The following METTL3 variants were observed in gnomAD, a reference collection of about 807,000 sequenced individuals.
METTL3 encodes N(6)-adenosine-methyltransferase catalytic subunit METTL3.
Under a neutral mutation model 64.3 loss-of-function variants are expected in METTL3, and 42 were observed. The ratio of observed to expected loss-of-function variants is 0.65; its 90% CI spans 0.51 to 0.84. The LOEUF is 0.84. Ranked by LOEUF, METTL3 falls within the 40% of genes least tolerant of loss-of-function variation. The probability of loss-of-function intolerance (pLI) is 0.00; values close to 1 mark genes in which losing one functional copy is unlikely to be tolerated. For missense variants in METTL3, 435 were observed against 722.3 expected (o/e 0.60, Z 4.56); for synonymous variants, 256 against 263.6 (o/e 0.97, Z 0.28).
intron 1 of METTL3, chr14:21,504,882 G>A (rs1566494690): frequency 6.6e-6 from 1 of 152,010 alleles, no homozygotes; most frequent in Non-Finnish European, 1.5e-5. Flanking sequence ...AGAGGCTGCA[G>A]TGAGCCAACA....
intron 7 of METTL3, 56 bp from the exon 8 acceptor site, chr14:21,499,656 A>G (rs1891506655): frequency 6.3e-7 from 1 of 1,578,900 alleles, no homozygotes; most frequent in Non-Finnish European, 8.7e-7. Context: ...GTTTAGGGGT[A>G]GTACCATTTA....
At chr14:21,501,654 G>T in intron 4 of METTL3, 74 bp downstream of exon 4, 1 of 1,582,286 alleles carries the variant, frequency 6.3e-7, no homozygotes, top group South Asian at 1.1e-5. Context: ...GAACCCCAAT[G>T]ACTGGAAGGA....
chr14:21,501,272 C>T, intron 4 of METTL3, 143 bp from the exon 5 acceptor site: 1 of 649,266 alleles, frequency 1.5e-6, no homozygotes, highest in Non-Finnish European at 2.6e-6. Flanking sequence ...TTAAGGGAGG[C>T]AGGTAGCATG....
At chr14:21,507,655 G>A (rs989907898) in intron 1 of METTL3, 2 of 151,938 alleles carry the variant, frequency 1.3e-5, no homozygotes, top group Non-Finnish European at 2.9e-5. Context: ...AGATGTGGTA[G>A]GCAAATTTTT....
In METTL3 at chr14:21,498,249, G is replaced by A; in HGVS notation, c.*9C>T. The A allele has an allele frequency of 6.8e-7, 1 of 1,479,946 alleles. No individual in the cohort carries two copies. The highest frequency in any genetic ancestry group is 9.5e-7 in the Non-Finnish European group (1 of 1,057,650). 91.7% of individuals were successfully genotyped at this position (1,479,946 alleles called of 1,614,324 possible). ...GGCTATGGATTCTTAGCTCTGTAAG[G>A]AAGTGCTTCTATAAATTCTTAGGTT... On this transcript the variant is annotated 3_prime_UTR_variant, in exon 11 of 11. Coordinates refer to ENST00000298717, the MANE Select transcript of METTL3 (RefSeq NM_019852.5).
chr14:21,498,367 A>T lies in METTL3; in HGVS notation c.1634T>A (p.Ile545Asn). ...GRPHNVQPNWITLGNQLDGIH... is the reference protein window; with the variant it reads ...GRPHNVQPNWNTLGNQLDGIH... Reference sequence around the variant, plus strand: ...CCCATCCAGTTGGTTTCCAAGGGTGATCCTGAAACAGTGTAAAAGGAGGGG... The same window carrying T: ...CCCATCCAGTTGGTTTCCAAGGGTGTTCCTGAAACAGTGTAAAAGGAGGGG... Residue 545 changes from isoleucine (I) to asparagine (N), a missense_variant and splice_region_variant, in exon 11 of 11, where the codon ATC becomes AAC. Physicochemically the swap from Ile to Asn is moderately radical, Grantham distance 149. Transcript: ENST00000298717. 1 of 1,614,112 alleles carries T rather than the reference A, an allele frequency of 6.2e-7. No homozygotes were observed. The highest frequency in any genetic ancestry group is 8.5e-7 in the Non-Finnish European group (1 of 1,180,010).
chr14:21,503,733 T>C lies in METTL3; in HGVS notation c.249A>G (p.Leu83=). 6.2e-7 allele frequency: 1 copy of C among 1,614,230 alleles called. No homozygotes were observed. The highest frequency in any genetic ancestry group is 1.1e-5 in the South Asian group (1 of 91,088). ...ATDPELEKKL[L]HHLSDLALTL... Reference sequence around the variant, plus strand: ...TTAAGGCCAGATCAGAGAGGTGGTGTAGCAACTTCTTCTCTAACTCAGGAT... The same window carrying C: ...TTAAGGCCAGATCAGAGAGGTGGTGCAGCAACTTCTTCTCTAACTCAGGAT... The change falls in exon 2 of 11, where the codon CTA becomes CTG. Residue 83 remains leucine, a synonymous_variant. Transcript: ENST00000298717.
chr14:21,509,922 T>C (rs1891791953), intron 1 of METTL3, among the ~76,000 whole-genome samples: 1 of 152,200 alleles, frequency 6.6e-6, no homozygotes, highest in Non-Finnish European at 1.5e-5. Flanking sequence ...CCATATGACT[T>C]GCACTTCTTA....
chr14:21,504,134 G>A (rs568101980), intron 1 of METTL3: 132 of 461,070 alleles, frequency 2.9e-4, no homozygotes, highest in African/African-American at 2.5e-3. Context: ...CCCTATCCTT[G>A]CTGTGATACA....
At chr14:21,500,453 T>C (rs370521643) in intron 6 of METTL3, 42 bp downstream of exon 6, 107 of 1,591,986 alleles carry the variant, frequency 6.7e-5, no homozygotes, top group Middle Eastern at 1.7e-4. Context: ...TATTCACTCT[T>C]GTACTGTATC....
In METTL3 at chr14:21,499,390, A is replaced by C. The variant is rs1263945830; in HGVS notation, c.1453-19T>G. On this transcript the variant is annotated intron_variant, in intron 8 of 10. Coordinates refer to ENST00000298717, the MANE Select transcript of METTL3 (RefSeq NM_019852.5). Reference sequence around the variant, plus strand: ...CACCAACCTGCTCACCACAGATAACAGATTACCTTATGAAACCACACCTTT... The same window carrying C: ...CACCAACCTGCTCACCACAGATAACCGATTACCTTATGAAACCACACCTTT... 3 of 1,614,034 alleles carry C rather than the reference A, an allele frequency of 1.9e-6. No individual in the cohort carries two copies. The highest frequency in any genetic ancestry group is 1.7e-6 in the Non-Finnish European group (2 of 1,179,896).
intron 10 of METTL3, 66 bp downstream of exon 10, chr14:21,498,959 C>G (rs940108922): frequency 7.2e-5 from 80 of 1,110,932 alleles, no homozygotes; most frequent in Non-Finnish European, 1.4e-6. Flanking sequence ...TGAAGCTCTA[C>G]TAAGTTCTGT....
At chr14:21,500,012 T>A (rs1351054567) in intron 6 of METTL3, among the ~76,000 whole-genome samples, 2 of 152,198 alleles carry the variant, frequency 1.3e-5, no homozygotes, top group African/African-American at 2.4e-5. Context: ...AATGTAGAGT[T>A]AAATATATAT....
rs1891554215 is a variant in METTL3 at position 21,500,956 on chromosome 14, C to G, written c.1073G>C (p.Ser358Thr). The G allele has an allele frequency of 1.2e-6, 2 of 1,614,096 alleles. No homozygotes were observed. The highest frequency in any genetic ancestry group is 8.5e-7 in the Non-Finnish European group (1 of 1,180,014). Residue 358 changes from serine to threonine, a missense_variant, in exon 5 of 11, where the codon AGT becomes ACT. Ser to Thr is a moderately conservative substitution (Grantham distance 58, BLOSUM62 1). Coordinates refer to ENST00000298717, the MANE Select transcript of METTL3 (RefSeq NM_019852.5). ...GTCTGCACTGGAATCACCTCCGACA[C>G]TCTGTGTAAGAGCAAGCTCCTGGCT... ...TPSQELALTQ[S>T]VGGDSSADRL...
At chr14:21,507,325 G>T (rs1891722486) in intron 1 of METTL3, among the ~76,000 whole-genome samples, 2 of 152,124 alleles carry the variant, frequency 1.3e-5, no homozygotes, top group African/African-American at 4.8e-5. Context: ...TTGACACTCA[G>T]TTCAGTAGTC....
rs1891487672 is a variant in METTL3, at chr14:21,499,070, C to T, written c.1586G>A (p.Arg529His). The change falls in exon 10 of 11, where the codon CGC becomes CAC. Residue 529 changes from arginine (R) to histidine (H), a missense_variant. By Grantham distance (29) the Arg-to-His change is conservative (BLOSUM62 0). This residue lies in a region of METTL3 where 38 missense variants were observed against 102.3 expected (regional missense o/e 0.37). Coordinates refer to ENST00000298717, the MANE Select transcript of METTL3 (RefSeq NM_019852.5). Reference protein sequence around the residue: ...GMIERLSPGTRKIELFGRPHN... With the variant: ...GMIERLSPGTHKIELFGRPHN... The stretch of plus-strand genomic sequence containing the variant: ...TGGTCGTCCAAATAACTCAATCTTG[C>T]GAGTGCCAGGAGATAGTCTTTCAAT... 3 of 1,614,108 alleles carry T rather than the reference C, an allele frequency of 1.9e-6. No homozygotes were observed. The highest frequency in any genetic ancestry group is 1.7e-6 in the Non-Finnish European group (2 of 1,180,008).
Position 21,499,809 on chromosome 14 carries a change from A to G in METTL3, c.1305-7T>C, listed in dbSNP as rs1891511825. ...TCTCCCCAACTCCATGGCCCTAGAA[A>G]GAAATGAGTTAAACAACTATTTGTA... is the stretch of plus-strand genomic sequence containing the variant. On this transcript the variant is annotated splice_polypyrimidine_tract_variant and splice_region_variant and intron_variant, in intron 6 of 10. Transcript: ENST00000298717. 1.9e-6 allele frequency: 3 copies of G among 1,612,938 alleles called. No individual in the cohort carries two copies. Among genetic ancestry groups the G allele is most frequent in the Non-Finnish European group, 2.5e-6 (3 of 1,179,086 alleles).
chr14:21,507,112 C>T (rs1488625026), intron 1 of METTL3, among the ~76,000 whole-genome samples: 1 of 151,850 alleles, frequency 6.6e-6, no homozygotes, highest in Non-Finnish European at 1.5e-5. Flanking sequence ...ACCCAGGAGG[C>T]AGAGGTTGCA....
At chr14:21,499,832 G>A in intron 6 of METTL3, 30 bp from the exon 7 acceptor site, 1 of 1,606,350 alleles carries the variant, frequency 6.2e-7, no homozygotes, top group Non-Finnish European at 8.5e-7. Flanking sequence ...ACAACTATTT[G>A]TATGCCCATA....
Sources: allele counts gnomAD v4.1 joint callset (sites outside exome capture counted in the v4.1 genomes callset), GRCh38; gene constraint gnomAD v4.1.1; regional missense constraint gnomAD v4.1.1; transcripts MANE v1.5; gene names NCBI Gene and HGNC (gene_info 2026-07-23, HGNC 2026-07-21).